The following TAB2 variants were observed in gnomAD, a reference collection of about 807,000 sequenced individuals.
TAB2 encodes the protein TGF-beta activated kinase 1 (MAP3K7) binding protein 2.
In TAB2, 3 loss-of-function variants were observed where a neutral mutation model predicts 65.0. The ratio of observed to expected loss-of-function variants is 0.05; its 90% CI spans 0.02 to 0.12. The LOEUF (loss-of-function observed/expected upper bound fraction) is 0.12. TAB2 is among the 10% of genes least tolerant of loss of function. TAB2 has a pLI of 1.00. For synonymous variants in TAB2, 298 were observed against 285.1 expected (o/e 1.05, Z -0.46); for missense variants, 623 against 840.3 (o/e 0.74, Z 3.20).
intron 1 of TAB2, among the ~76,000 whole-genome samples, chr6:149,222,271 G>A (rs1406079585): frequency 6.6e-6 from 1 of 152,056 alleles, no homozygotes; most frequent in Non-Finnish European, 1.5e-5. Flanking sequence ...CTTGCAAACA[G>A]GTGATTGTGG....
intron 1 of TAB2, among the ~76,000 whole-genome samples, chr6:149,222,195 C>T (rs1777162309): frequency 6.6e-6 from 1 of 152,218 alleles, no homozygotes; most frequent in Non-Finnish European, 1.5e-5. Context: ...ACACCATCGG[C>T]CTCTCTGGAT....
intron 3 of TAB2, among the ~76,000 whole-genome samples, chr6:149,384,221 C>T (rs111832421): frequency 3.9e-5 from 6 of 152,256 alleles, no homozygotes; most frequent in African/African-American, 9.6e-5. Flanking sequence ...AGGGAACATA[C>T]GTACATACAT....
At chr6:149,377,792 AC>A (rs1159228535) in intron 2 of TAB2, among the ~76,000 whole-genome samples, 1 of 148,310 alleles carries the variant, frequency 6.7e-6, no homozygotes, top group African/African-American at 2.5e-5. Context: ...CTAAAGTGGA[AC>A]AATGATTTGA....
At chr6:149,279,483 C>T (rs941902083) in intron 1 of TAB2, among the ~76,000 whole-genome samples, 3 of 152,172 alleles carry the variant, frequency 2.0e-5, no homozygotes, top group African/African-American at 7.2e-5. Flanking sequence ...GGGGTGATTT[C>T]TACCCTTCAA....
intron 1 of TAB2, among the ~76,000 whole-genome samples, chr6:149,336,796 G>T (rs972639479): frequency 6.6e-6 from 1 of 152,126 alleles, no homozygotes; most frequent in Non-Finnish European, 1.5e-5. Context: ...AGACAGGCCT[G>T]CCCAGATTCC....
intron 1 of TAB2, among the ~76,000 whole-genome samples, chr6:149,323,988 A>G (rs1219485501): frequency 6.6e-6 from 1 of 152,188 alleles, no homozygotes; most frequent in East Asian, 1.9e-4. Context: ...ACAAGGTGTC[A>G]GTTTGAGTGG....
chr6:149,231,689 C>A (rs994864458), intron 1 of TAB2, among the ~76,000 whole-genome samples: 1 of 152,144 alleles, frequency 6.6e-6, no homozygotes, highest in African/African-American at 2.4e-5. Flanking sequence ...TATTAAAACA[C>A]CTAAAATTAA....
At chr6:149,278,003 T>G (rs1486574589) in intron 1 of TAB2, among the ~76,000 whole-genome samples, 7 of 152,184 alleles carry the variant, frequency 4.6e-5, no homozygotes. Context: ...ACTTGAAGCT[T>G]GAAAGCCATT....
intron 1 of TAB2, among the ~76,000 whole-genome samples, chr6:149,273,262 A>G (rs1217398731): frequency 6.6e-6 from 1 of 152,218 alleles, no homozygotes; most frequent in African/African-American, 2.4e-5. Context: ...TTAGATGGTG[A>G]AATTGATGAG....
rs138820862 is a variant in TAB2, at chr6:149,334,928, G to A, written c.-90+16913G>A. On this transcript the variant is annotated intron_variant, in intron 1 of 6. Transcript: ENST00000637181. ...CAGAGAAATACATTAGTGAGTAGGA[G>A]GCAGTGAGTTGAGTTTTGGACAAGG... 1.6e-4 allele frequency among the ~76,000 whole-genome samples: 25 copies of A among 152,254 alleles called. No homozygotes were observed. In the East Asian group the frequency reaches 4.8e-3, roughly 29 times the overall value.
chr6:149,328,792 A>G (rs1393637565), intron 1 of TAB2, among the ~76,000 whole-genome samples: 1 of 152,172 alleles, frequency 6.6e-6, no homozygotes, highest in East Asian at 1.9e-4. Context: ...TTAGGAATCC[A>G]TAGGAGGTAG....
chr6:149,302,397 T>G (rs1236671555), intron 1 of TAB2, among the ~76,000 whole-genome samples: 1 of 152,228 alleles, frequency 6.6e-6, no homozygotes, highest in African/African-American at 2.4e-5. Context: ...TGAAACCCTA[T>G]ATATGAATAT....
At chr6:149,297,353 T>G (rs1354620030) in intron 1 of TAB2, among the ~76,000 whole-genome samples, 1 of 152,232 alleles carries the variant, frequency 6.6e-6, no homozygotes, top group Non-Finnish European at 1.5e-5. Context: ...TATCCATGAC[T>G]TCTCATTTTA....
At chr6:149,405,527 A>G (rs1312406342) in intron 6 of TAB2, among the ~76,000 whole-genome samples, 1 of 152,248 alleles carries the variant, frequency 6.6e-6, no homozygotes, top group African/African-American at 2.4e-5. Flanking sequence ...GATAAAGAAA[A>G]CGTGAGAGAT....
intron 1 of TAB2, among the ~76,000 whole-genome samples, chr6:149,250,955 G>A (rs892740525): frequency 2.0e-5 from 3 of 152,090 alleles, no homozygotes; most frequent in Non-Finnish European, 4.4e-5. Context: ...CCGAAACCTC[G>A]CTCACTCACG....
intron 1 of TAB2, among the ~76,000 whole-genome samples, chr6:149,269,914 AT>A (rs1778328414): frequency 6.6e-6 from 1 of 152,210 alleles, no homozygotes; most frequent in South Asian, 2.1e-4. Flanking sequence ...TCACATACAG[AT>A]TTTTGTGTGG....
At chr6:149,241,173 C>T (rs1178517255) in intron 1 of TAB2, among the ~76,000 whole-genome samples, 1 of 152,126 alleles carries the variant, frequency 6.6e-6, no homozygotes, top group Non-Finnish European at 1.5e-5. Flanking sequence ...TTGAGCTTCC[C>T]AGCCCCGAGA....
chr6:149,317,417 AGCCGCCGCC>A (rs5880831), upstream of TAB2: 45 of 169,434 alleles, frequency 2.7e-4, no homozygotes, highest in African/African-American at 7.5e-4. This position sits in a 1 kb window ranked among gnomAD's most constrained non-coding sequence, Gnocchi z 4.7. Context: ...CCGCAGCCGC[AGCCGCCGCC>A]GCCGCCGCCG....
At chr6:149,260,091 C>T (rs1257907325) in intron 1 of TAB2, among the ~76,000 whole-genome samples, 4 of 152,154 alleles carry the variant, frequency 2.6e-5, no homozygotes, top group Admixed American at 6.5e-5. Context: ...GGCCAGGCCA[C>T]GCTTGTTCTG....
Sources: gnomAD v4.1 joint callset for allele counts (sites outside exome capture counted in the v4.1 genomes callset) on GRCh38, gnomAD v4.1.1 for gene constraint, Gnocchi (gnomAD v3.1) non-coding constraint, MANE v1.5 for transcripts, NCBI Gene and HGNC (gene_info 2026-07-23, HGNC 2026-07-21) for gene names.